The following PLXNC1 variants were observed in gnomAD, a reference collection of about 807,000 sequenced individuals.
The protein encoded by PLXNC1 is plexin-C1.
In PLXNC1, 75 loss-of-function variants were observed where a neutral mutation model predicts 178.2. The observed-to-expected ratio is 0.42, with a 90% confidence interval of 0.35 to 0.51. The LOEUF (loss-of-function observed/expected upper bound fraction) is 0.51. Ranked by LOEUF, PLXNC1 falls within the 20% of genes least tolerant of loss-of-function variation. The pLI, the probability that PLXNC1 is intolerant of heterozygous loss-of-function variation, is 0.02. For synonymous variants in PLXNC1, 790 were observed against 779.9 expected (o/e 1.01, Z -0.22); for missense variants, 1,503 against 1,984.4 (o/e 0.76, Z 4.61).
At chr12:94,174,099 C>A (rs887429478) in intron 2 of PLXNC1, among the ~76,000 whole-genome samples, 19 of 152,202 alleles carry the variant, frequency 1.2e-4, no homozygotes, top group African/African-American at 3.6e-4. Context: ...GTCCCCATAT[C>A]CAGTCTTGAG....
chr12:94,262,838 A>G (rs1441497785), intron 20 of PLXNC1: 6 of 923,690 alleles, frequency 6.5e-6, no homozygotes, highest in Non-Finnish European at 7.8e-6. Flanking sequence ...GCCAGACAGC[A>G]TGCTAAGAGC....
chr12:94,173,009 G>A (rs1340591239), intron 2 of PLXNC1, among the ~76,000 whole-genome samples: 2 of 152,012 alleles, frequency 1.3e-5, no homozygotes, highest in Admixed American at 6.5e-5. Context: ...TTATTTTATC[G>A]GTGTACCGTC....
At chr12:94,279,177 G>C (rs1966233641) in intron 21 of PLXNC1, among the ~76,000 whole-genome samples, 1 of 152,062 alleles carries the variant, frequency 6.6e-6, no homozygotes, top group Admixed American at 6.5e-5. Flanking sequence ...GGAGAAATTA[G>C]AAATCACCAA....
Position 94,148,967 on chromosome 12 carries a change from G to C in PLXNC1, c.-5G>C. The C allele has an allele frequency of 7.4e-7, 1 of 1,348,470 alleles. No individual in the cohort carries two copies. The highest frequency in any genetic ancestry group is 9.6e-7 in the Non-Finnish European group (1 of 1,039,812). 83.5% of individuals were successfully genotyped at this position (1,348,470 alleles called of 1,614,324 possible). ...GCCCTGCCCGGGGGCGGCCCCCCCA[G>C]CCCCATGGAGGTCTCCCGGAGGAAG... On this transcript the variant is annotated 5_prime_UTR_variant, in exon 1 of 31. Coordinates refer to ENST00000258526, the MANE Select transcript of PLXNC1 (RefSeq NM_005761.3). The surrounding 1 kb of genome is among the most constrained non-coding windows in gnomAD (Gnocchi z 4.8).
intron 7 of PLXNC1, among the ~76,000 whole-genome samples, chr12:94,225,860 C>T (rs561101385): frequency 8.5e-5 from 13 of 152,312 alleles, no homozygotes; most frequent in African/African-American, 2.9e-4. Flanking sequence ...TCTCCTTCCA[C>T]GGAAACTGCA....
At chr12:94,284,859 G>A (rs1460534563) in intron 23 of PLXNC1, among the ~76,000 whole-genome samples, 1 of 152,230 alleles carries the variant, frequency 6.6e-6, no homozygotes, top group Non-Finnish European at 1.5e-5. Flanking sequence ...GCCATGGGAG[G>A]TCCTGAAGCA....
intron 14 of PLXNC1, among the ~76,000 whole-genome samples, chr12:94,249,924 C>A (rs1964629056): frequency 4.4e-5 from 1 of 22,676 alleles, no homozygotes; most frequent in South Asian, 1.5e-3. Context: ...AAAAAAAGCA[C>A]CAGTGTGGGG....
Position 94,181,482 on chromosome 12 carries a change from G to A in PLXNC1, c.1240G>A (p.Glu414Lys). The A allele has an allele frequency of 1.3e-6, 2 of 1,590,862 alleles. No homozygotes were observed. The highest frequency in any genetic ancestry group is 1.7e-6 in the Non-Finnish European group (2 of 1,159,728). ...TGAGAATTTGACTTCAAATTGTCCA[G>A]AGGTTATCTATGAAATTAAAGAAGA... ...LGENLTSNCPEVIYEIKEETP... is the reference protein window; with the variant it reads ...LGENLTSNCPKVIYEIKEETP... Residue 414 changes from glutamate (E) to lysine (K), a missense_variant, in exon 3 of 31, where the codon GAG (glutamate) becomes AAG (lysine). By Grantham distance (56) the Glu-to-Lys change is moderately conservative. Coordinates refer to ENST00000258526, the MANE Select transcript of PLXNC1 (RefSeq NM_005761.3).
At chr12:94,282,669 C>T (rs1681866) in intron 23 of PLXNC1, 191,934 of 293,194 alleles carry the variant, frequency 0.65, 63,372 homozygotes, top group African/African-American at 0.74. Context: ...GAAAAGAACC[C>T]AGGAAAAAAG....
At chr12:94,224,787 G>A (rs1963893537) in intron 7 of PLXNC1, among the ~76,000 whole-genome samples, 1 of 152,130 alleles carries the variant, frequency 6.6e-6, no homozygotes, top group Admixed American at 6.5e-5. Flanking sequence ...TGTGCCTGTA[G>A]TCCCAGCTAC....
At chr12:94,301,649 A>G (rs1968478464) in intron 28 of PLXNC1, among the ~76,000 whole-genome samples, 2 of 152,208 alleles carry the variant, frequency 1.3e-5, no homozygotes, top group African/African-American at 4.8e-5. Flanking sequence ...ACTGAGCAAT[A>G]TCTGTGCCTA....
rs189549726 is a variant in PLXNC1, at chr12:94,298,773, G to A, written c.4216G>A (p.Val1406Ile). 8.1e-6 allele frequency: 13 copies of A among 1,610,604 alleles called. No homozygotes were observed. In the African/African-American group the frequency reaches 9.4e-5, roughly 12 times the overall value. The part of the protein sequence containing the change: ...ENKKITDPDV[V>I]HIWKTNSLPL... The stretch of plus-strand genomic sequence containing the variant: ...CAAAAAAATCACAGATCCTGACGTC[G>A]TACATATTTGGAAAACAAACAGGTG... Residue 1406 changes from valine to isoleucine, a missense_variant, in exon 27 of 31, where the codon GTA becomes ATA. Physicochemically the swap from Val to Ile is conservative, Grantham distance 29. Around this residue, in one of 4 missense-constraint regions of PLXNC1, gnomAD observed 639 missense variants for 979.7 expected, o/e 0.65. Coordinates refer to ENST00000258526, the MANE Select transcript of PLXNC1 (RefSeq NM_005761.3).
chr12:94,290,951 G>GTAAT (rs1187005037), intron 23 of PLXNC1, among the ~76,000 whole-genome samples: 3 of 152,204 alleles, frequency 2.0e-5, no homozygotes, highest in Admixed American at 2.0e-4. Context: ...CGTTTGTCTT[G>GTAAT]TAATTTTGTG....
chr12:94,262,639 C>T (rs527558236), intron 20 of PLXNC1: 7 of 985,416 alleles, frequency 7.1e-6, no homozygotes, highest in Non-Finnish European at 8.4e-6. Flanking sequence ...GAATAATTCC[C>T]GCTGGTGCAG....
At chr12:94,194,590 C>CA (rs953360004) in intron 4 of PLXNC1, among the ~76,000 whole-genome samples, 3 of 152,046 alleles carry the variant, frequency 2.0e-5, no homozygotes, top group Non-Finnish European at 4.4e-5. Context: ...CCTGTCTCTA[C>CA]AAAAAATACA....
rs368695922 is a variant in PLXNC1 at position 94,220,368 on chromosome 12, C to A, written c.1702+205C>A. 4.2e-4 allele frequency among the ~76,000 whole-genome samples: 64 copies of A among 152,222 alleles called. No individual in the cohort carries two copies. In the South Asian group the frequency reaches 0.013, roughly 30 times the overall value. The stretch of plus-strand genomic sequence containing the variant: ...CTCCAAGACCCCACTATCAGATATG[C>A]CTGGACAATGACAAGAGAAGGGCAA... On this transcript the variant is annotated intron_variant, in intron 6 of 30. Transcript: ENST00000258526.
chr12:94,163,680 C>T (rs542036510), intron 1 of PLXNC1, among the ~76,000 whole-genome samples: 1 of 152,266 alleles, frequency 6.6e-6, no homozygotes, highest in East Asian at 1.9e-4. Flanking sequence ...GGCTGTGCTG[C>T]ACACCAGTGA....
intron 6 of PLXNC1, among the ~76,000 whole-genome samples, chr12:94,223,764 T>C (rs979931955): frequency 1.3e-5 from 2 of 152,206 alleles, no homozygotes; most frequent in Admixed American, 1.3e-4. Context: ...ACCCAGCCCA[T>C]GGAAACTACA....
At chr12:94,252,253 G>A (rs188956079) in intron 15 of PLXNC1, among the ~76,000 whole-genome samples, 1 of 152,156 alleles carries the variant, frequency 6.6e-6, no homozygotes, top group African/African-American at 2.4e-5. Context: ...TTGATTTTCT[G>A]GGCAGAACCA....
Sources: allele counts gnomAD v4.1 joint callset (sites outside exome capture counted in the v4.1 genomes callset), GRCh38; gene constraint gnomAD v4.1.1; regional missense constraint gnomAD v4.1.1; non-coding constraint Gnocchi (gnomAD v3.1); transcripts MANE v1.5; gene names NCBI Gene and HGNC (gene_info 2026-07-23, HGNC 2026-07-21).